The following CCND3 variants were observed in gnomAD, a reference collection of about 807,000 sequenced individuals.
CCND3 encodes the protein cyclin D3.
Under a neutral mutation model 28.7 loss-of-function variants are expected in CCND3, and 9 were observed. The observed-to-expected ratio is 0.31, with a 90% CI of 0.19 to 0.55. The LOEUF is 0.55. CCND3 is among the 20% of genes least tolerant of loss of function. The pLI is 0.93. For missense variants in CCND3, 315 were observed against 385.8 expected, an observed-to-expected ratio of 0.82 and a Z score of 1.54; for synonymous variants, 164 against 163.9, an observed-to-expected ratio of 1.00 and a Z score of 0.00.
chr6:42,036,377 C>CTATA lies in CCND3; in HGVS notation c.-46+12120_-46+12123dup, dbSNP rs1162806893. On this transcript the variant is annotated intron_variant, in intron 1 of 4. Coordinates refer to the CCND3 transcript ENST00000372988. ...TTGCCCAGGCTGGAGTGCATATATA[C>CTATA]TATATATATATATATATATATATAT... is the stretch of plus-strand genomic sequence containing the variant. 8.3e-3 allele frequency among the ~76,000 whole-genome samples: 492 copies of CTATA among 59,580 alleles called. 19 individuals are homozygous for CTATA. Among genetic ancestry groups the CTATA allele is most frequent in the South Asian group, 0.022 (22 of 1,022 alleles). 39.1% of individuals were successfully genotyped at this position (59,580 alleles called of 152,430 possible). A position where few individuals can be genotyped will look rare whatever the true frequency, so the allele number is the denominator to read the frequency against.
intron 1 of CCND3, among the ~76,000 whole-genome samples, chr6:42,025,382 G>C (rs1763845522): frequency 2.0e-5 from 3 of 152,204 alleles, no homozygotes; most frequent in South Asian, 2.1e-4. Context: ...GGAGCAAAGA[G>C]GTGCAGTTGG....
chr6:41,944,188 T>A (rs921527132), upstream of CCND3, among the ~76,000 whole-genome samples: 8 of 150,426 alleles, frequency 5.3e-5, no homozygotes, highest in Non-Finnish European at 1.0e-4. Context: ...AAAAAAAAAA[T>A]AAGCTGGGTG....
Position 41,936,394 on chromosome 6 carries a change from G to T in CCND3, c.711+165C>A. 1.2e-6 allele frequency: 1 copy of T among 814,624 alleles called. No homozygotes were observed. The highest frequency in any genetic ancestry group is 2.6e-5 in the East Asian group (1 of 38,656). 50.5% of individuals were successfully genotyped at this position (814,624 alleles called of 1,614,324 possible). A position where few individuals can be genotyped will look rare whatever the true frequency, so the allele number is the denominator to read the frequency against. On this transcript the variant is annotated intron_variant, in intron 4 of 4. Transcript: ENST00000372991. This position sits in a 1 kb window ranked among gnomAD's most constrained non-coding sequence, Gnocchi z 4.4. The stretch of plus-strand genomic sequence containing the variant: ...GCCCTTCACCCCACCCAAGATACTT[G>T]CTCTTCCCCAGACCAAGGCAGGAGA...
At chr6:42,046,319 T>C (rs76550746) in intron 1 of CCND3, among the ~76,000 whole-genome samples, 13,019 of 152,226 alleles carry the variant, frequency 0.086, 742 homozygotes, top group East Asian at 0.25. Flanking sequence ...GGGTAGGATA[T>C]ACAGATGCAG....
chr6:41,941,862 A>T (rs930577002), upstream of CCND3: 1 of 249,502 alleles, frequency 4.0e-6, no homozygotes, highest in Non-Finnish European at 7.5e-6. The surrounding 1 kb of genome is among the most constrained non-coding windows in gnomAD (Gnocchi z 6.1). Context: ...CGGACGTCGC[A>T]ACGCTCCGAG....
At chr6:41,941,846 A>C (rs1776043941), upstream of CCND3, 1 of 269,022 alleles carries the variant, frequency 3.7e-6, no homozygotes, top group Non-Finnish European at 6.9e-6. This position sits in a 1 kb window ranked among gnomAD's most constrained non-coding sequence, Gnocchi z 6.1. Flanking sequence ...GCAACCGTGG[A>C]ATGCTCGGAC....
chr6:41,972,925 G>A (rs1291966734), intron 1 of CCND3, among the ~76,000 whole-genome samples: 1 of 151,610 alleles, frequency 6.6e-6, no homozygotes, highest in Non-Finnish European at 1.5e-5. Context: ...TTGGAGAGGG[G>A]CAGAAGGGGC....
intron 1 of CCND3, among the ~76,000 whole-genome samples, chr6:42,031,813 CTT>C (rs35518846): frequency 2.2e-4 from 28 of 128,880 alleles, no homozygotes; most frequent in South Asian, 1.4e-3. Context: ...GCAACTGACT[CTT>C]TTTTTTTTTT....
At chr6:41,943,163 A>C (rs1776085961), upstream of CCND3, among the ~76,000 whole-genome samples, 1 of 151,836 alleles carries the variant, frequency 6.6e-6, no homozygotes, top group Non-Finnish European at 1.5e-5. Context: ...TTCCCGGCCG[A>C]ATTATTCTTT....
chr6:41,946,655 T>G (rs1234179980), upstream of CCND3, among the ~76,000 whole-genome samples: 2 of 149,246 alleles, frequency 1.3e-5, no homozygotes, highest in Non-Finnish European at 3.0e-5. Flanking sequence ...TAATTTAGCT[T>G]TTTTCTTTGA....
upstream of CCND3, among the ~76,000 whole-genome samples, chr6:41,943,566 A>C (rs1466841009): frequency 6.6e-6 from 1 of 152,230 alleles, no homozygotes; most frequent in Non-Finnish European, 1.5e-5. Flanking sequence ...ATAATACTGT[A>C]AAATATTTTT....
At chr6:42,027,471 A>C (rs1273916654) in intron 1 of CCND3, among the ~76,000 whole-genome samples, 1 of 150,220 alleles carries the variant, frequency 6.7e-6, no homozygotes, top group African/African-American at 2.5e-5. Context: ...ACCCGACTCC[A>C]CCCCCACCTA....
In CCND3 at chr6:41,936,091, C is replaced by T. The variant is rs2127389852; in HGVS notation, c.728G>A (p.Cys243Tyr). ...GAGTGCAGCTTCGATCTGCTCCTGA[C>T]AGGCCCGCAGGCAGTCCTGGGAACA... ...TGTEVDCLRA[C>Y]QEQIEAALRE... Residue 243 changes from cysteine to tyrosine, a missense_variant, in exon 5 of 5, where the codon TGT becomes TAT. Transcript: ENST00000372991. The surrounding 1 kb of genome is among the most constrained non-coding windows in gnomAD (Gnocchi z 4.4). 6.3e-7 allele frequency: 1 copy of T among 1,595,548 alleles called. No homozygotes were observed. Among genetic ancestry groups the T allele is most frequent in the Non-Finnish European group, 8.5e-7 (1 of 1,169,986 alleles).
chr6:41,934,960 C>T lies in CCND3; in HGVS notation c.*980G>A, dbSNP rs1775718587. On this transcript the variant is annotated 3_prime_UTR_variant, in exon 5 of 5. Transcript: ENST00000372991. The stretch of plus-strand genomic sequence containing the variant: ...CAAGAAGCCAAAGCCAGTTTTATTT[C>T]ACAATCATCTTTATTACAGTAGGAT... 1 of 229,380 alleles carries T rather than the reference C, an allele frequency of 4.4e-6. No individual in the cohort carries two copies. The highest frequency in any genetic ancestry group is 8.6e-6 in the Non-Finnish European group (1 of 115,654). The allele number at this position is 229,380 out of a possible 1,614,324, so 14.2% of individuals were successfully genotyped here. A position where few individuals can be genotyped will look rare whatever the true frequency, so the allele number is the denominator to read the frequency against.
chr6:41,953,424 G>A (rs1297621303), intron 1 of CCND3, among the ~76,000 whole-genome samples: 3 of 152,062 alleles, frequency 2.0e-5, no homozygotes, highest in Non-Finnish European at 4.4e-5. Context: ...ACTACTTAGA[G>A]GGTGGCTCTA....
intron 1 of CCND3, among the ~76,000 whole-genome samples, chr6:41,956,540 C>T (rs13340461): frequency 0.23 from 35,111 of 152,022 alleles, 4,422 homozygotes; most frequent in Middle Eastern, 0.38. Context: ...TGTATGGCAC[C>T]ATCTTTCTTT....
chr6:42,040,735 CCAG>C (rs1764346552), intron 1 of CCND3, among the ~76,000 whole-genome samples: 1 of 151,586 alleles, frequency 6.6e-6, no homozygotes, highest in Non-Finnish European at 1.5e-5. Flanking sequence ...GCCTCTAATC[CCAG>C]CTACTAGGGA....
At chr6:41,981,637 C>T (rs1224920877) in intron 1 of CCND3, among the ~76,000 whole-genome samples, 1 of 152,052 alleles carries the variant, frequency 6.6e-6, no homozygotes, top group African/African-American at 2.4e-5. Flanking sequence ...GATTCTTGTG[C>T]CCCAGCCTCC....
At chr6:41,980,430 C>G (rs1430187160) in intron 1 of CCND3, among the ~76,000 whole-genome samples, 1 of 152,156 alleles carries the variant, frequency 6.6e-6, no homozygotes, top group African/African-American at 2.4e-5. Context: ...GCCACTGCAC[C>G]TGGCCTTACT....
Sources: gnomAD v4.1 joint callset for allele counts (sites outside exome capture counted in the v4.1 genomes callset) on GRCh38, gnomAD v4.1.1 for gene constraint, Gnocchi (gnomAD v3.1) non-coding constraint, MANE v1.5 for transcripts, NCBI Gene and HGNC (gene_info 2026-07-23, HGNC 2026-07-21) for gene names.